ACOT12: variants seen among roughly 807,000 people sequenced by gnomAD.
ACOT12 encodes the protein acyl-CoA thioesterase 12, also known as acetyl-coenzyme A thioesterase.
ACOT12 carries 51 observed loss-of-function variants against 67.7 expected under a neutral mutation model. That is an observed-to-expected ratio of 0.75 (90% confidence interval 0.60 to 0.95). ACOT12 has a LOEUF of 0.95. ACOT12 is among the 40% of genes least tolerant of loss of function. The pLI is 0.00. For missense variants in ACOT12, 734 were observed against 708.1 expected (o/e 1.04, Z -0.41); for synonymous variants, 251 against 244.6 (o/e 1.03, Z -0.24).
Position 81,330,951 on chromosome 5 carries a change from A to AATGACCGACTT in ACOT12, c.1392-12_1392-11insAAGTCGGTCAT. 6.3e-7 allele frequency: 1 copy of AATGACCGACTT among 1,582,804 alleles called. No homozygotes were observed. Among genetic ancestry groups the AATGACCGACTT allele is most frequent in the Non-Finnish European group, 8.6e-7 (1 of 1,166,530 alleles). On this transcript the variant is annotated splice_polypyrimidine_tract_variant and intron_variant, in intron 13 of 14. Transcript: ENST00000307624. ...ACTGTGTAAGTGTTACTGAAAGAAA[A>AATGACCGACTT]CACTTTCTAAGCTCTTGTGAGAAAT...
chr5:81,386,125 T>G (rs540441964), intron 1 of ACOT12, among the ~76,000 whole-genome samples: 1 of 152,382 alleles, frequency 6.6e-6, no homozygotes, highest in Admixed American at 6.5e-5. Context: ...ATAGCAATTT[T>G]AGTAAGTTGG....
At chr5:81,368,210 T>C (rs1359949618) in intron 3 of ACOT12, among the ~76,000 whole-genome samples, 6 of 152,122 alleles carry the variant, frequency 3.9e-5, no homozygotes. Context: ...GAGAATCACT[T>C]GAACCCGGGA....
chr5:81,386,628 T>C (rs1760731248), intron 1 of ACOT12, among the ~76,000 whole-genome samples: 1 of 152,208 alleles, frequency 6.6e-6, no homozygotes, highest in Non-Finnish European at 1.5e-5. Context: ...AAACAGATTA[T>C]ATTGGCTTTA....
downstream of ACOT12, among the ~76,000 whole-genome samples, chr5:81,326,247 T>C (rs1758674119): frequency 6.6e-6 from 1 of 151,134 alleles, no homozygotes; most frequent in South Asian, 2.1e-4. Context: ...GCCTCAGCCT[T>C]GTGAGTAGCT....
chr5:81,330,676 C>A, intron 14 of ACOT12, 133 bp from the exon 15 acceptor site: 1 of 1,483,288 alleles, frequency 6.7e-7, no homozygotes, highest in South Asian at 1.3e-5. Context: ...AATAGATGAT[C>A]CGAAAGGATG....
At chr5:81,360,577 T>C (rs1048606813) in intron 4 of ACOT12, among the ~76,000 whole-genome samples, 2 of 152,168 alleles carry the variant, frequency 1.3e-5, no homozygotes, top group Admixed American at 1.3e-4. Context: ...GGAATAAAGC[T>C]TTCACCAACT....
At chr5:81,351,819 C>T (rs1759560533) in intron 5 of ACOT12, among the ~76,000 whole-genome samples, 2 of 152,184 alleles carry the variant, frequency 1.3e-5, no homozygotes, top group South Asian at 4.1e-4. Flanking sequence ...GAAGAGACAA[C>T]CCACAGAATG....
At chr5:81,357,909 G>C (rs969514695) in intron 5 of ACOT12, among the ~76,000 whole-genome samples, 1 of 151,652 alleles carries the variant, frequency 6.6e-6, no homozygotes, top group East Asian at 2.0e-4. Context: ...TGGAGGCTGA[G>C]GCAGGAGAAT....
At chr5:81,378,313 T>C (rs959927291) in intron 2 of ACOT12, among the ~76,000 whole-genome samples, 3 of 152,272 alleles carry the variant, frequency 2.0e-5, no homozygotes, top group African/African-American at 7.2e-5. Context: ...ATCCCTTCCT[T>C]ACACCTTATA....
chr5:81,340,653 C>G (rs1294471144), intron 11 of ACOT12, among the ~76,000 whole-genome samples: 2 of 152,252 alleles, frequency 1.3e-5, no homozygotes, highest in East Asian at 1.9e-4. Flanking sequence ...AGCCACTGAG[C>G]CTGGCCCAAA....
At chr5:81,368,086 G>A (rs1760135752) in intron 3 of ACOT12, among the ~76,000 whole-genome samples, 3 of 152,162 alleles carry the variant, frequency 2.0e-5, no homozygotes, top group Admixed American at 2.0e-4. Context: ...GAGGTCAGGA[G>A]TTCAAGACCA....
chr5:81,334,871 G>A (rs1421338275), intron 12 of ACOT12, among the ~76,000 whole-genome samples: 6 of 152,184 alleles, frequency 3.9e-5, no homozygotes, highest in Non-Finnish European at 8.8e-5. Flanking sequence ...GAGGAGATTG[G>A]ATTAGGGATG....
In ACOT12 at chr5:81,338,946, T is replaced by C. The variant is rs535384307; in HGVS notation, c.1129-3045A>G. Among the ~76,000 whole-genome samples the C allele has an allele frequency of 3.9e-4, 60 of 152,160 alleles. No individual in the cohort carries two copies. The South Asian group carries it at 0.012, about 30-fold the overall frequency. ...AAACACAAAAATTATCCAGGGGTGG[T>C]GGCACATGCCTGTAGTCCCAGCTAC... is the stretch of plus-strand genomic sequence containing the variant. On this transcript the variant is annotated intron_variant, in intron 11 of 14. Transcript: ENST00000307624.
chr5:81,391,593 GA>G (rs1760866517), intron 1 of ACOT12, among the ~76,000 whole-genome samples: 1 of 152,162 alleles, frequency 6.6e-6, no homozygotes, highest in Non-Finnish European at 1.5e-5. Context: ...GTGAAGAAAA[GA>G]AAGGGAAAAA....
rs1758862547 is a variant in ACOT12, at chr5:81,332,543, A to G, written c.1325T>C (p.Ile442Thr). The stretch of plus-strand genomic sequence containing the variant: ...GTCTTTGGGTTTGTCATCATTCAGT[A>G]TAGGACAGGTGATGTGATACAGCTG... The part of the protein sequence containing the change: ...DDQLYHITCP[I>T]LNDDKPKDLV... The change falls in exon 13 of 15, where the codon ATA (isoleucine) becomes ACA (threonine). Residue 442 changes from isoleucine (I) to threonine (T), a missense_variant. By Grantham distance (89) the Ile-to-Thr change is moderately conservative (BLOSUM62 -1). Transcript: ENST00000307624. 3.7e-6 allele frequency: 6 copies of G among 1,614,138 alleles called. No individual in the cohort carries two copies. Among genetic ancestry groups the G allele is most frequent in the Non-Finnish European group, 4.2e-6 (5 of 1,180,008 alleles).
rs1411965319 is a variant in ACOT12, at chr5:81,394,031, C to G, written c.84G>C (p.Ala28=). ...TGTCGATCCACTTGAGCAGCTGCCCCGCGCTCAGCTCGCCGCGCGCAGTGG... is the reference window on the plus strand; with the variant it reads ...TGTCGATCCACTTGAGCAGCTGCCCGGCGCTCAGCTCGCCGCGCGCAGTGG... The part of the protein sequence containing the change: ...AHATARGELS[A]GQLLKWIDTT... The change falls in exon 1 of 15, where the codon GCG becomes GCC. Residue 28 remains alanine, a synonymous_variant. Coordinates refer to ENST00000307624, the MANE Select transcript of ACOT12 (RefSeq NM_130767.3). 12 of 1,467,768 alleles carry G rather than the reference C, an allele frequency of 8.2e-6. No homozygotes were observed. Among genetic ancestry groups the G allele is most frequent in the African/African-American group, 5.8e-5 (4 of 68,996 alleles). The allele number at this position is 1,467,768 out of a possible 1,614,324, so 90.9% of individuals were successfully genotyped here.
chr5:81,390,801 T>A (rs549688863), intron 1 of ACOT12, among the ~76,000 whole-genome samples: 1 of 152,294 alleles, frequency 6.6e-6, no homozygotes, highest in East Asian at 1.9e-4. Context: ...ATCATATTTT[T>A]AATTATATTA....
At chr5:81,343,745 G>C in intron 10 of ACOT12, 73 bp downstream of exon 10, 3 of 1,491,804 alleles carry the variant, frequency 2.0e-6, no homozygotes. Flanking sequence ...GCCTAGGCCA[G>C]TTAGGCAAGC....
chr5:81,392,437 C>A (rs899109963), intron 1 of ACOT12, among the ~76,000 whole-genome samples: 2 of 152,144 alleles, frequency 1.3e-5, no homozygotes, highest in African/African-American at 4.8e-5. Flanking sequence ...TATTATACTA[C>A]TAATAGTAAT....
Sources: allele counts gnomAD v4.1 joint callset (sites outside exome capture counted in the v4.1 genomes callset), GRCh38; gene constraint gnomAD v4.1.1; transcripts MANE v1.5; gene names NCBI Gene and HGNC (gene_info 2026-07-23, HGNC 2026-07-21).